ARMC6: variants seen among roughly 807,000 people sequenced by gnomAD.
The protein encoded by ARMC6 is armadillo repeat-containing protein 6.
A neutral mutation model predicts 49.2 loss-of-function variants in ARMC6; 43 were observed. The ratio of observed to expected loss-of-function variants is 0.87; its 90% confidence interval spans 0.69 to 1.13. The LOEUF (loss-of-function observed/expected upper bound fraction) is 1.13. Ranked by LOEUF, ARMC6 falls within the 50% of genes most tolerant of loss-of-function variation. The pLI is 0.00. For missense variants in ARMC6, 627 were observed against 682.0 expected, an observed-to-expected ratio of 0.92 and a Z score of 0.90; for synonymous variants, 262 against 289.6, an observed-to-expected ratio of 0.90 and a Z score of 0.97.
At position 19,051,375 on chromosome 19, in the gene ARMC6, C is replaced by CTGTGTGTGTGTGTG. The variant is rs35164662; in HGVS notation, c.280-219_280-206dup. Among the ~76,000 whole-genome samples, 299 of 139,754 alleles carry CTGTGTGTGTGTGTG rather than the reference C, an allele frequency of 2.1e-3. 3 individuals carry two copies. The highest frequency in any genetic ancestry group is 6.5e-3 in the African/African-American group (232 of 35,780). The allele number at this position is 139,754 out of a possible 152,430, so 91.7% of individuals were successfully genotyped here. Reference sequence around the variant, plus strand: ...GTTGTCTGGATCTCTCTCTCTCTCTCTGTGTGTGTGTGTGTGTGTGTGTGT... The same window carrying CTGTGTGTGTGTGTG: ...GTTGTCTGGATCTCTCTCTCTCTCTCTGTGTGTGTGTGTGTGTGTGTGTGTGTGTGTGTGTGTGT... On this transcript the variant is annotated intron_variant, in intron 4 of 8. Coordinates refer to ENST00000535612, the MANE Select transcript of ARMC6 (RefSeq NM_001199196.2).
chr19:19,034,134 C>G lies in ARMC6; in HGVS notation c.-76C>G. The G allele has an allele frequency of 1.0e-6, 1 of 952,810 alleles. No individual in the cohort carries two copies. The highest frequency in any genetic ancestry group is 1.4e-5 in the South Asian group (1 of 74,026). 59.0% of individuals were successfully genotyped at this position (952,810 alleles called of 1,614,324 possible). On this transcript the variant is annotated 5_prime_UTR_variant, in exon 2 of 9. Transcript: ENST00000535612. The stretch of plus-strand genomic sequence containing the variant: ...TTCATTTTATTTATTCATTCAGCAC[C>G]TGTGCACTGAGTGCCTGCTGCGTGT...
At chr19:19,056,116 A>G in intron 8 of ARMC6, 188 bp downstream of exon 8, 2 of 552,676 alleles carry the variant, frequency 3.6e-6, no homozygotes, top group East Asian at 6.5e-5. Context: ...CATCTTGCAA[A>G]ATGTGCTGAA....
intron 4 of ARMC6, among the ~76,000 whole-genome samples, chr19:19,045,493 C>CTTTTTTTTTTTTCTTTTT (rs11270900): frequency 1.1e-5 from 1 of 89,118 alleles, no homozygotes; most frequent in South Asian, 3.9e-4. Context: ...ATGCTAAATT[C>CTTTTTTTTTTTTCTTTTT]TTTTTTTTTT....
At chr19:19,050,699 C>T (rs1344469436) in intron 4 of ARMC6, among the ~76,000 whole-genome samples, 1 of 151,998 alleles carries the variant, frequency 6.6e-6, no homozygotes, top group Non-Finnish European at 1.5e-5. Context: ...AAAAACTTAC[C>T]TTTTTAAATA....
intron 2 of ARMC6, among the ~76,000 whole-genome samples, chr19:19,039,007 A>G (rs2059392240): frequency 6.6e-6 from 1 of 151,886 alleles, no homozygotes; most frequent in South Asian, 2.1e-4. Context: ...CCCCCGCCTT[A>G]GCCTCCCAAG....
At chr19:19,056,606 A>C (rs1292608760) in intron 8 of ARMC6, among the ~76,000 whole-genome samples, 1 of 152,134 alleles carries the variant, frequency 6.6e-6, no homozygotes, top group Non-Finnish European at 1.5e-5. Context: ...GGGAGAAAGA[A>C]GTTGGGGAAG....
In ARMC6 at chr19:19,055,190, C is replaced by G; in HGVS notation, c.1024-75C>G. 6.7e-7 allele frequency: 1 copy of G among 1,500,400 alleles called. No individual in the cohort carries two copies. The highest frequency in any genetic ancestry group is 8.9e-7 in the Non-Finnish European group (1 of 1,126,902). 92.9% of individuals were successfully genotyped at this position (1,500,400 alleles called of 1,614,324 possible). A position where few individuals can be genotyped will look rare whatever the true frequency, so the allele number is the denominator to read the frequency against. On this transcript the variant is annotated intron_variant, in intron 6 of 8. Coordinates refer to ENST00000535612, the MANE Select transcript of ARMC6 (RefSeq NM_001199196.2). This position sits in a 1 kb window ranked among gnomAD's most constrained non-coding sequence, Gnocchi z 5.7. ...CCTGTTGGTCAAACAGCAAAACAGC[C>G]CCACATTCTCCCTCAGAGCCCTCTC... is the stretch of plus-strand genomic sequence containing the variant.
chr19:19,035,535 C>T (rs1484993935), intron 2 of ARMC6, among the ~76,000 whole-genome samples: 1 of 152,220 alleles, frequency 6.6e-6, no homozygotes, highest in Non-Finnish European at 1.5e-5. Flanking sequence ...TCCAACTCAG[C>T]CCTGTACCAG....
chr19:19,033,975 A>C (rs1157805464), intron 1 of ARMC6, 45 bp downstream of exon 1: 20 of 522,658 alleles, frequency 3.8e-5, no homozygotes, highest in Non-Finnish European at 2.4e-5. Context: ...CGGAGTGGGG[A>C]GTGGGGGTGC....
chr19:19,043,879 G>A, intron 3 of ARMC6, 113 bp from the exon 4 acceptor site: 1 of 901,632 alleles, frequency 1.1e-6, no homozygotes, highest in East Asian at 2.5e-5. Flanking sequence ...GGCTTCTGGA[G>A]TGGGGTGGTC....
intron 8 of ARMC6, 176 bp downstream of exon 8, chr19:19,056,104 C>A: frequency 1.6e-6 from 1 of 607,234 alleles, no homozygotes; most frequent in Non-Finnish European, 2.5e-6. Flanking sequence ...CAACTTCTTT[C>A]TCATCTTGCA....
In ARMC6 at chr19:19,054,037, C is replaced by T. The variant is rs2059521976; in HGVS notation, c.854-115C>T. On this transcript the variant is annotated intron_variant, in intron 5 of 8. Coordinates refer to ENST00000535612, the MANE Select transcript of ARMC6 (RefSeq NM_001199196.2). Reference sequence around the variant, plus strand: ...CTGGGGCCTTCCTGGTGCCCGTGGCCACTCCAATAGGCAGAAGGGCTGGAC... The same window carrying T: ...CTGGGGCCTTCCTGGTGCCCGTGGCTACTCCAATAGGCAGAAGGGCTGGAC... The T allele has an allele frequency of 7.3e-6, 8 of 1,089,038 alleles. No individual in the cohort carries two copies. The Admixed American group carries it at 1.9e-4, about 26-fold the overall frequency. The allele number at this position is 1,089,038 out of a possible 1,614,324, so 67.5% of individuals were successfully genotyped here. A position where few individuals can be genotyped will look rare whatever the true frequency, so the allele number is the denominator to read the frequency against.
intron 2 of ARMC6, among the ~76,000 whole-genome samples, chr19:19,035,746 T>C (rs1292647679): frequency 2.1e-5 from 3 of 142,526 alleles, no homozygotes; most frequent in African/African-American, 7.9e-5. Context: ...GAATCCGAAG[T>C]ATTTGAGACA....
Position 19,051,697 on chromosome 19 carries a change from G to A in ARMC6, c.355G>A (p.Asp119Asn), listed in dbSNP as rs1269809775. ...GTCAGCATACCTCACCCGCTTCTGC[G>A]ACCAGTGCAAACAGGACAAGGCCTG... ...EVSAYLTRFC[D>N]QCKQDKACRF... Residue 119 changes from aspartate to asparagine, a missense_variant, in exon 5 of 9, where the codon GAC (aspartate) becomes AAC (asparagine). Asp to Asn is a conservative substitution (Grantham distance 23). Transcript: ENST00000535612. The A allele has an allele frequency of 3.1e-6, 5 of 1,613,758 alleles. No homozygotes were observed. In the Admixed American group the frequency reaches 5.0e-5, roughly 16 times the overall value.
intron 2 of ARMC6, among the ~76,000 whole-genome samples, chr19:19,035,252 C>A (rs922448762): frequency 6.6e-6 from 1 of 152,106 alleles, no homozygotes. Flanking sequence ...GTGATCTACC[C>A]GCCTCAGACT....
chr19:19,036,763 A>G (rs1369466446), intron 2 of ARMC6, among the ~76,000 whole-genome samples: 1 of 152,268 alleles, frequency 6.6e-6, no homozygotes, highest in Non-Finnish European at 1.5e-5. Context: ...GGAAAGGAAC[A>G]AATAGCTAAT....
chr19:19,034,900 C>T (rs2059338269), intron 2 of ARMC6, among the ~76,000 whole-genome samples: 1 of 146,830 alleles, frequency 6.8e-6, no homozygotes, highest in Non-Finnish European at 1.5e-5. Flanking sequence ...CTCGTTCTGT[C>T]ACCCAGGCTG....
intron 2 of ARMC6, among the ~76,000 whole-genome samples, chr19:19,040,473 G>A (rs1011998841): frequency 6.6e-6 from 1 of 151,998 alleles, no homozygotes; most frequent in East Asian, 1.9e-4. Context: ...ACAGTGTCTC[G>A]CTACGTTGGC....
chr19:19,039,066 A>G (rs1233013691), intron 2 of ARMC6, among the ~76,000 whole-genome samples: 1 of 152,118 alleles, frequency 6.6e-6, no homozygotes, highest in Admixed American at 6.6e-5. Context: ...TTTGTTTTTA[A>G]ACAGATTAGC....
Sources: gnomAD v4.1 joint callset for allele counts (sites outside exome capture counted in the v4.1 genomes callset) on GRCh38, gnomAD v4.1.1 for gene constraint, Gnocchi (gnomAD v3.1) non-coding constraint, MANE v1.5 for transcripts, NCBI Gene and HGNC (gene_info 2026-07-23, HGNC 2026-07-21) for gene names.